NT5C2: variants seen among roughly 807,000 people sequenced by gnomAD.
NT5C2 encodes 5'-nucleotidase, cytosolic II, also known as cytosolic purine 5'-nucleotidase.
A neutral mutation model predicts 76.1 loss-of-function variants in NT5C2; 58 were observed. That is an observed-to-expected ratio of 0.76 (90% CI 0.62 to 0.95). NT5C2 has a LOEUF of 0.95. Among genes scored for constraint, NT5C2 ranks in the 40% least tolerant of loss-of-function variants. The pLI, the probability that NT5C2 is intolerant of heterozygous loss-of-function variation, is 0.00. For synonymous variants in NT5C2, 229 were observed against 237.4 expected, an observed-to-expected ratio of 0.96 and a Z score of 0.32; for missense variants, 478 against 690.3, an observed-to-expected ratio of 0.69 and a Z score of 3.45.
At chr10:103,091,687 CT>C in intron 15 of NT5C2, 72 bp from the exon 16 acceptor site, 1 of 1,289,084 alleles carries the variant, frequency 7.8e-7, no homozygotes, top group Non-Finnish European at 1.1e-6. Flanking sequence ...TGCTGCTAAA[CT>C]AAAAGGTTGC....
chr10:103,092,005 G>C (rs1223901854), intron 15 of NT5C2, among the ~76,000 whole-genome samples: 1 of 152,174 alleles, frequency 6.6e-6, no homozygotes, highest in Non-Finnish European at 1.5e-5. Flanking sequence ...CTTTTCCTGA[G>C]TCACAGGTCC....
rs201138597 is a variant in NT5C2 at position 103,146,023 on chromosome 10, G to A, written c.102-6544C>T. 5.1e-6 allele frequency: 5 copies of A among 981,864 alleles called. No homozygotes were observed. In the East Asian group the frequency reaches 5.7e-4, roughly 111 times the overall value. The allele number at this position is 981,864 out of a possible 1,614,324, so 60.8% of individuals were successfully genotyped here. On this transcript the variant is annotated intron_variant, in intron 3 of 18. Transcript: ENST00000404739. ...TGGCTTTAACTTGTAATTCAAAGCAGTATTACCTCATCTGTCACTGGTTGC... is the reference window on the plus strand; with the variant it reads ...TGGCTTTAACTTGTAATTCAAAGCAATATTACCTCATCTGTCACTGGTTGC...
chr10:103,176,466 T>C (rs1250117827), intron 2 of NT5C2, among the ~76,000 whole-genome samples: 3 of 152,198 alleles, frequency 2.0e-5, no homozygotes, highest in African/African-American at 7.2e-5. Context: ...GTGGTGCTTA[T>C]ACTCCCAAAC....
chr10:103,100,911 G>T, intron 8 of NT5C2, 134 bp downstream of exon 8: 1 of 710,944 alleles, frequency 1.4e-6, no homozygotes. Flanking sequence ...TCTCAGGTTG[G>T]CAATGTGGCA....
intron 3 of NT5C2, chr10:103,153,563 T>A (rs1050807337): frequency 1.0e-6 from 1 of 985,276 alleles, no homozygotes; most frequent in Non-Finnish European, 1.2e-6. Flanking sequence ...CTGAACTGTT[T>A]AAGGCTGGCC....
intron 3 of NT5C2, chr10:103,153,445 A>C: frequency 2.6e-6 from 3 of 1,139,372 alleles, no homozygotes; most frequent in Non-Finnish European, 3.3e-6. Context: ...ACAATGCCGA[A>C]CCCTAACTAG....
At chr10:103,191,615 C>T (rs2092650550) in intron 1 of NT5C2, among the ~76,000 whole-genome samples, 1 of 152,180 alleles carries the variant, frequency 6.6e-6, no homozygotes, top group Non-Finnish European at 1.5e-5. Flanking sequence ...CTTACAATTA[C>T]AAACTTCTGA....
At chr10:103,138,778 G>A (rs946425499) in intron 4 of NT5C2, among the ~76,000 whole-genome samples, 1 of 152,214 alleles carries the variant, frequency 6.6e-6, no homozygotes, top group African/African-American at 2.4e-5. Context: ...AAGGCCAAGT[G>A]GGGAGATCAT....
chr10:103,089,138 G>C lies in NT5C2; in HGVS notation c.*534C>G. 2 of 227,676 alleles carry C rather than the reference G, an allele frequency of 8.8e-6. No homozygotes were observed. Among genetic ancestry groups the C allele is most frequent in the Non-Finnish European group, 8.7e-6 (1 of 114,636 alleles). 14.1% of individuals were successfully genotyped at this position (227,676 alleles called of 1,614,324 possible). A position where few individuals can be genotyped will look rare whatever the true frequency, so the allele number is the denominator to read the frequency against. On this transcript the variant is annotated 3_prime_UTR_variant, in exon 19 of 19. Coordinates refer to ENST00000404739, the MANE Select transcript of NT5C2 (RefSeq NM_001351169.2). ...CAGTGATAGAGAAGCAGCCTTGCCA[G>C]AGTCACTGAGGATGAATTAAAGGCT...
At chr10:103,103,697 A>T (rs2070400086) in intron 6 of NT5C2, among the ~76,000 whole-genome samples, 1 of 152,200 alleles carries the variant, frequency 6.6e-6, no homozygotes, top group Non-Finnish European at 1.5e-5. Flanking sequence ...TCTGTGACCC[A>T]CAGAATAAAA....
chr10:103,155,952 C>T (rs2133905005), intron 3 of NT5C2, among the ~76,000 whole-genome samples: 1 of 152,160 alleles, frequency 6.6e-6, no homozygotes, highest in South Asian at 2.1e-4. Context: ...CTGCTTGAGG[C>T]CAAGAGTTTT....
In NT5C2 at chr10:103,105,787, T is replaced by G; in HGVS notation, c.308A>C (p.Asp103Ala). 1 of 1,612,250 alleles carries G rather than the reference T, an allele frequency of 6.2e-7. No individual in the cohort carries two copies. The highest frequency in any genetic ancestry group is 8.5e-7 in the Non-Finnish European group (1 of 1,178,556). Residue 103 changes from aspartate (D) to alanine (A), a missense_variant, in exon 6 of 19, where the codon GAC becomes GCC. Physicochemically the swap from Asp to Ala is moderately radical, Grantham distance 126 (BLOSUM62 -2). Coordinates refer to ENST00000404739, the MANE Select transcript of NT5C2 (RefSeq NM_001351169.2). ...STFPTRGLVF[D>A]TLYGNLLKVD... Reference sequence around the variant, plus strand: ...TTTCAAAAGATTTCCATACAGTGTGTCAAAGACAAGTCCCCTATGTGAAAA... The same window carrying G: ...TTTCAAAAGATTTCCATACAGTGTGGCAAAGACAAGTCCCCTATGTGAAAA...
intron 1 of NT5C2, among the ~76,000 whole-genome samples, chr10:103,190,868 A>C (rs2092583362): frequency 1.3e-5 from 2 of 152,336 alleles, no homozygotes; most frequent in Middle Eastern, 3.4e-3. Flanking sequence ...GGCACATTAG[A>C]GAGCATCTAC....
chr10:103,101,014 T>A, intron 8 of NT5C2, 31 bp downstream of exon 8: 1 of 1,202,116 alleles, frequency 8.3e-7, no homozygotes, highest in South Asian at 1.3e-5. Context: ...TAAAAATCAA[T>A]TGGAAAAAAA....
At chr10:103,133,226 A>G (rs1275455471) in intron 4 of NT5C2, among the ~76,000 whole-genome samples, 2 of 151,912 alleles carry the variant, frequency 1.3e-5, no homozygotes, top group Non-Finnish European at 2.9e-5. Context: ...ACCTTCCACC[A>G]TGATTGTGGA....
At position 103,183,262 on chromosome 10, in the gene NT5C2, G is replaced by GTGATATATATAT. The variant is rs769522226; in HGVS notation, c.-168-1935_-168-1934insATATATATATCA. On this transcript the variant is annotated intron_variant, in intron 1 of 18. Coordinates refer to ENST00000404739, the MANE Select transcript of NT5C2 (RefSeq NM_001351169.2). ...GAGATATATATATATGTGTGTGTGT[G>GTGATATATATAT]ATATATATATATATATATATATATA... 4.8e-3 allele frequency among the ~76,000 whole-genome samples: 355 copies of GTGATATATATAT among 73,356 alleles called. 4 individuals carry two copies. Among genetic ancestry groups the GTGATATATATAT allele is most frequent in the Non-Finnish European group, 6.0e-3 (254 of 42,624 alleles). 48.1% of individuals were successfully genotyped at this position (73,356 alleles called of 152,430 possible).
chr10:103,090,505 A>C (rs2066486950), intron 18 of NT5C2, 106 bp downstream of exon 18: 1 of 1,018,954 alleles, frequency 9.8e-7, no homozygotes, highest in East Asian at 2.6e-5. Context: ...TGGGCTCTGT[A>C]CATCAGAAAG....
chr10:103,167,437 T>A (rs2086672769), intron 3 of NT5C2, among the ~76,000 whole-genome samples: 2 of 152,176 alleles, frequency 1.3e-5, no homozygotes, highest in Non-Finnish European at 2.9e-5. Flanking sequence ...ACTGAATATT[T>A]GAACCAATAC....
chr10:103,159,251 GCACACACACA>G lies in NT5C2; in HGVS notation c.101+15597_101+15606del, dbSNP rs57117670. ...GAGTGAGACCTCATCTCCAAAACAT[GCACACACACA>G]CACACACACACACACACACACACAC... is the stretch of plus-strand genomic sequence containing the variant. On this transcript the variant is annotated intron_variant, in intron 3 of 18. Coordinates refer to ENST00000404739, the MANE Select transcript of NT5C2 (RefSeq NM_001351169.2). Among the ~76,000 whole-genome samples the G allele has an allele frequency of 2.2e-3, 291 of 133,284 alleles. 1 individual carries two copies. The highest frequency in any genetic ancestry group is 4.7e-3 in the African/African-American group (168 of 35,632). 87.4% of individuals were successfully genotyped at this position (133,284 alleles called of 152,430 possible). A position where few individuals can be genotyped will look rare whatever the true frequency, so the allele number is the denominator to read the frequency against.
Sources: allele counts gnomAD v4.1 joint callset (sites outside exome capture counted in the v4.1 genomes callset), GRCh38; gene constraint gnomAD v4.1.1; transcripts MANE v1.5; gene names NCBI Gene and HGNC (gene_info 2026-07-23, HGNC 2026-07-21).